The following SGCZ variants were observed in gnomAD, a reference collection of about 807,000 sequenced individuals.
SGCZ encodes zeta-sarcoglycan.
Under a neutral mutation model 41.3 loss-of-function variants are expected in SGCZ, and 40 were observed. That is an observed-to-expected ratio of 0.97 (90% CI 0.75 to 1.26). The LOEUF (loss-of-function observed/expected upper bound fraction) is 1.26. Ranked by LOEUF, SGCZ falls within the 50% of genes most tolerant of loss-of-function variation. The pLI, the probability that SGCZ is intolerant of heterozygous loss-of-function variation, is 0.00. For missense variants in SGCZ, 552 were observed against 369.8 expected (o/e 1.49, Z -4.04); for synonymous variants, 206 against 137.5 (o/e 1.50, Z -3.49).
chr8:14,370,029 C>G (rs1390488274), intron 2 of SGCZ, among the ~76,000 whole-genome samples: 1 of 151,862 alleles, frequency 6.6e-6, no homozygotes, highest in African/African-American at 2.4e-5. Context: ...CAAGATGTAC[C>G]AATTCACTCT....
At chr8:14,811,745 A>G (rs1013389630) in intron 1 of SGCZ, among the ~76,000 whole-genome samples, 1 of 151,940 alleles carries the variant, frequency 6.6e-6, no homozygotes, top group Non-Finnish European at 1.5e-5. Context: ...AAGCAATTCC[A>G]GGTAACAGAA....
chr8:14,854,997 C>T (rs1585321199), intron 1 of SGCZ, among the ~76,000 whole-genome samples: 2 of 150,950 alleles, frequency 1.3e-5, no homozygotes. Context: ...TATGCTCTCC[C>T]ACCTCCCTCA....
chr8:14,618,673 A>G (rs1422142942), intron 1 of SGCZ, among the ~76,000 whole-genome samples: 1 of 152,182 alleles, frequency 6.6e-6, no homozygotes. Flanking sequence ...TTTATGTAGG[A>G]AGTTTTGTGT....
chr8:15,205,847 C>T (rs1801042600), intron 1 of SGCZ, among the ~76,000 whole-genome samples: 1 of 152,046 alleles, frequency 6.6e-6, no homozygotes, highest in South Asian at 2.1e-4. Context: ...CAATAGCAAA[C>T]ACATGGAATC....
At chr8:14,716,873 A>G (rs1358280854) in intron 1 of SGCZ, among the ~76,000 whole-genome samples, 6 of 152,126 alleles carry the variant, frequency 3.9e-5, no homozygotes. Flanking sequence ...AACTTTCTAT[A>G]AAGCCTACTT....
At chr8:15,001,967 CGAA>C (rs1802441119) in intron 1 of SGCZ, among the ~76,000 whole-genome samples, 2 of 151,888 alleles carry the variant, frequency 1.3e-5, no homozygotes, top group East Asian at 1.9e-4. Flanking sequence ...GAATAAAGAG[CGAA>C]GAAGATTTGA....
chr8:14,571,484 C>T (rs1175301139), intron 1 of SGCZ, among the ~76,000 whole-genome samples: 1 of 152,118 alleles, frequency 6.6e-6, no homozygotes, highest in Non-Finnish European at 1.5e-5. Flanking sequence ...TCTGATTATT[C>T]CTATTAATAT....
intron 1 of SGCZ, among the ~76,000 whole-genome samples, chr8:15,004,799 A>G (rs759127264): frequency 3.9e-4 from 59 of 152,146 alleles, no homozygotes; most frequent in Admixed American, 7.9e-4. Context: ...GTAAAGAGAG[A>G]CGCAAAAGTT....
At chr8:15,053,576 G>T (rs1410697742) in intron 1 of SGCZ, among the ~76,000 whole-genome samples, 1 of 152,060 alleles carries the variant, frequency 6.6e-6, no homozygotes, top group East Asian at 1.9e-4. Context: ...GGTGAAAAAC[G>T]ATATATCCCA....
At chr8:15,095,847 C>T (rs531283323) in intron 1 of SGCZ, among the ~76,000 whole-genome samples, 4 of 152,166 alleles carry the variant, frequency 2.6e-5, no homozygotes, top group South Asian at 2.1e-4. Context: ...GTTATGTTCC[C>T]GGTAAAACTC....
chr8:14,153,940 GACACACAC>G (rs57842795), intron 5 of SGCZ, among the ~76,000 whole-genome samples: 1 of 142,746 alleles, frequency 7.0e-6, no homozygotes, highest in Non-Finnish European at 1.5e-5. Flanking sequence ...CACACACACA[GACACACAC>G]ACACACACAC....
chr8:15,060,439 C>T (rs1013695974), intron 1 of SGCZ, among the ~76,000 whole-genome samples: 2 of 143,588 alleles, frequency 1.4e-5, no homozygotes, highest in South Asian at 2.2e-4. Context: ...AAACACCGCA[C>T]GTTCTCACTC....
intron 1 of SGCZ, among the ~76,000 whole-genome samples, chr8:15,013,547 G>A (rs886788363): frequency 3.3e-5 from 5 of 151,884 alleles, no homozygotes; most frequent in African/African-American, 9.7e-5. Context: ...TTCCTTCAGT[G>A]ATTCCTCCTC....
At chr8:15,199,466 G>A (rs753247064) in intron 1 of SGCZ, among the ~76,000 whole-genome samples, 6 of 152,018 alleles carry the variant, frequency 3.9e-5, no homozygotes, top group Admixed American at 3.9e-4. Context: ...TATGAGATTC[G>A]AATGATCCAT....
At chr8:14,579,627 C>T (rs929559448) in intron 1 of SGCZ, among the ~76,000 whole-genome samples, 2 of 152,190 alleles carry the variant, frequency 1.3e-5, no homozygotes, top group Admixed American at 1.3e-4. Flanking sequence ...TTTTTTACTA[C>T]ATTCACATCC....
intron 5 of SGCZ, among the ~76,000 whole-genome samples, chr8:14,146,745 G>A (rs1373364256): frequency 1.0e-4 from 15 of 147,984 alleles, no homozygotes; most frequent in South Asian, 8.5e-4. Context: ...AGTGGCGGGC[G>A]CCTGTAGTCC....
chr8:14,865,389 C>T (rs910698460), intron 1 of SGCZ, among the ~76,000 whole-genome samples: 7 of 152,052 alleles, frequency 4.6e-5, no homozygotes, highest in African/African-American at 1.7e-4. Context: ...ATGATGTCTA[C>T]CATAGAAAGC....
At chr8:14,114,481 A>C (rs1802464684) in intron 5 of SGCZ, among the ~76,000 whole-genome samples, 1 of 152,000 alleles carries the variant, frequency 6.6e-6, no homozygotes, top group Admixed American at 6.6e-5. Context: ...ATAAGCTGCC[A>C]GGATTTCTAA....
intron 3 of SGCZ, among the ~76,000 whole-genome samples, chr8:14,311,652 A>C (rs906464084): frequency 6.6e-6 from 1 of 152,242 alleles, no homozygotes; most frequent in Non-Finnish European, 1.5e-5. Flanking sequence ...AAACATCAGG[A>C]ATAATGAGGT....
Sources: gnomAD v4.1 joint callset for allele counts (sites outside exome capture counted in the v4.1 genomes callset) on GRCh38, gnomAD v4.1.1 for gene constraint, MANE v1.5 for transcripts, NCBI Gene and HGNC (gene_info 2026-07-23, HGNC 2026-07-21) for gene names.